Variants in GORASP2 observed in about 807,000 individuals in gnomAD.
GORASP2 encodes Golgi reassembly-stacking protein 2.
Under a neutral mutation model 45.7 loss-of-function variants are expected in GORASP2, and 22 were observed. The ratio of observed to expected loss-of-function variants is 0.48; its 90% CI spans 0.34 to 0.69. The LOEUF is 0.69. GORASP2 is among the 30% of genes least tolerant of loss of function. The pLI is 0.01. For synonymous variants in GORASP2, 221 were observed against 215.6 expected, an observed-to-expected ratio of 1.02 and a Z score of -0.22; for missense variants, 491 against 562.7, an observed-to-expected ratio of 0.87 and a Z score of 1.29.
intron 1 of GORASP2, among the ~76,000 whole-genome samples, chr2:170,934,815 G>A (rs1703908594): frequency 1.3e-5 from 2 of 151,940 alleles, no homozygotes; most frequent in South Asian, 4.1e-4. Flanking sequence ...TCAGCTCACT[G>A]CAACCTCCGC....
Position 170,961,731 on chromosome 2 carries a change from C to T in GORASP2, c.892C>T (p.Pro298Ser), listed in dbSNP as rs898668353. Reference sequence around the variant, plus strand: ...CCTCACTTCTGTGCCACCAATGAATCCAGCTACTACATTACCAGGTAACCA... The same window carrying T: ...CCTCACTTCTGTGCCACCAATGAATTCAGCTACTACATTACCAGGTAACCA... ...QSLTSVPPMN[P>S]ATTLPGLMPL... The change falls in exon 8 of 10, where the codon CCA (proline) becomes TCA (serine). Residue 298 changes from proline to serine, a missense_variant. Pro to Ser is a moderately conservative substitution (Grantham distance 74). Around this residue, in one of 2 missense-constraint regions of GORASP2, gnomAD observed 297 missense variants for 292.3 expected, o/e 1.02. Transcript: ENST00000234160. 1 of 1,575,286 alleles carries T rather than the reference C, an allele frequency of 6.3e-7. No homozygotes were observed. The highest frequency in any genetic ancestry group is 1.3e-5 in the African/African-American group (1 of 74,266).
At position 170,929,299 on chromosome 2, in the gene GORASP2, G is replaced by A. The variant is rs1262087870; in HGVS notation, c.-42G>A. 3.8e-6 allele frequency: 5 copies of A among 1,323,882 alleles called. No homozygotes were observed. The highest frequency in any genetic ancestry group is 3.9e-5 in the South Asian group (2 of 51,804). The allele number at this position is 1,323,882 out of a possible 1,614,324, so 82.0% of individuals were successfully genotyped here. ...AGCAGGCGGTGCGCTGGGGGCGGGAGCAGCGCGGAGCCCGGCTCGGCCACA... is the reference window on the plus strand; with the variant it reads ...AGCAGGCGGTGCGCTGGGGGCGGGAACAGCGCGGAGCCCGGCTCGGCCACA... On this transcript the variant is annotated 5_prime_UTR_variant, in exon 1 of 10. Coordinates refer to ENST00000234160, the MANE Select transcript of GORASP2 (RefSeq NM_015530.5).
intron 9 of GORASP2, among the ~76,000 whole-genome samples, 182 bp from the exon 10 acceptor site, chr2:170,965,608 C>A (rs549821325): frequency 6.6e-6 from 1 of 152,182 alleles, no homozygotes; most frequent in African/African-American, 2.4e-5. Context: ...CAGGCAGCTG[C>A]GATTGTAGGG....
chr2:170,930,695 G>A (rs1190173174), intron 1 of GORASP2, among the ~76,000 whole-genome samples: 3 of 151,802 alleles, frequency 2.0e-5, no homozygotes, highest in Non-Finnish European at 4.4e-5. Flanking sequence ...TAAATAAACC[G>A]TATTATCTTC....
At chr2:170,929,892 T>A (rs1703777786) in intron 1 of GORASP2, 1 of 407,324 alleles carries the variant, frequency 2.5e-6, no homozygotes, top group African/African-American at 2.2e-5. Flanking sequence ...GCCGGCCGAG[T>A]GGCCTGAAAG....
At chr2:170,929,834 G>A (rs1703775472) in intron 1 of GORASP2, 1 of 463,318 alleles carries the variant, frequency 2.2e-6, no homozygotes. Flanking sequence ...ATCCGGACCC[G>A]CAGTCCGGAG....
chr2:170,965,493 A>C (rs965974376), intron 9 of GORASP2, among the ~76,000 whole-genome samples: 2 of 152,210 alleles, frequency 1.3e-5, no homozygotes, highest in East Asian at 1.9e-4. Flanking sequence ...GTGGGCTGCT[A>C]TCTCTTCTGA....
chr2:170,949,496 A>C (rs748087398), intron 2 of GORASP2, 43 bp from the exon 3 acceptor site: 57 of 1,461,358 alleles, frequency 3.9e-5, no homozygotes, highest in Non-Finnish European at 4.9e-5. Flanking sequence ...AGCTAACATT[A>C]AATTTTTATT....
chr2:170,933,279 A>C (rs1346664667), intron 1 of GORASP2, among the ~76,000 whole-genome samples: 1 of 152,162 alleles, frequency 6.6e-6, no homozygotes, highest in African/African-American at 2.4e-5. Context: ...CTCCAATCCT[A>C]ATGTAAGGCA....
At chr2:170,951,187 T>C in intron 4 of GORASP2, 141 bp from the exon 5 acceptor site, 1 of 602,582 alleles carries the variant, frequency 1.7e-6, no homozygotes, top group East Asian at 2.9e-5. Flanking sequence ...TTAAACCTGC[T>C]TGTGATTTTT....
At chr2:170,963,782 A>G (rs1704625900) in intron 9 of GORASP2, among the ~76,000 whole-genome samples, 1 of 152,028 alleles carries the variant, frequency 6.6e-6, no homozygotes, top group Non-Finnish European at 1.5e-5. Flanking sequence ...AGCTGGGACT[A>G]CATGCACATA....
intron 9 of GORASP2, 93 bp from the exon 10 acceptor site, chr2:170,965,697 C>A: frequency 3.3e-6 from 3 of 902,360 alleles, no homozygotes; most frequent in Non-Finnish European, 5.4e-6. Context: ...CTTCAGTTTC[C>A]TTAATGAAAT....
intron 7 of GORASP2, among the ~76,000 whole-genome samples, chr2:170,958,501 T>C (rs998505259): frequency 3.3e-5 from 5 of 152,116 alleles, no homozygotes; most frequent in Non-Finnish European, 7.3e-5. Flanking sequence ...TTTTATGATA[T>C]TACGATTTTT....
chr2:170,945,337 G>GA (rs1262360302), intron 1 of GORASP2, among the ~76,000 whole-genome samples: 1 of 151,716 alleles, frequency 6.6e-6, no homozygotes, highest in African/African-American at 2.4e-5. Context: ...TGGTACACTA[G>GA]AAAAAATTTA....
intron 7 of GORASP2, among the ~76,000 whole-genome samples, chr2:170,961,020 G>A (rs1281371902): frequency 2.0e-5 from 3 of 152,218 alleles, no homozygotes; most frequent in Non-Finnish European, 4.4e-5. Flanking sequence ...AACGTGATTA[G>A]GTGGTATCCT....
intron 7 of GORASP2, among the ~76,000 whole-genome samples, chr2:170,957,298 C>T (rs1575478243): frequency 6.6e-6 from 1 of 150,914 alleles, no homozygotes; most frequent in Admixed American, 6.6e-5. Flanking sequence ...TTTTTTGAAA[C>T]AGAGTTTCAC....
intron 1 of GORASP2, chr2:170,929,633 T>C (rs1703766580): frequency 1.6e-6 from 1 of 612,314 alleles, no homozygotes; most frequent in Non-Finnish European, 3.0e-6. Flanking sequence ...GGGCTGGAGC[T>C]GGAGGCGGCT....
intron 5 of GORASP2, 76 bp from the exon 6 acceptor site, chr2:170,954,573 GC>G (rs369296788): frequency 8.2e-5 from 83 of 1,015,840 alleles, no homozygotes; most frequent in Non-Finnish European, 1.1e-4. Flanking sequence ...TGGGTTACCC[GC>G]CCCCCCCAAA....
At position 170,951,424 on chromosome 2, in the gene GORASP2, A is replaced by G; in HGVS notation, c.532A>G (p.Ile178Val). The stretch of plus-strand genomic sequence containing the variant: ...CACTGATAACTGTCGAGAAGTGATT[A>G]TTACACCAAATTCTGCATGGGGTGG... Reference protein sequence around the residue: ...TDTDNCREVIITPNSAWGGEG... With the variant: ...TDTDNCREVIVTPNSAWGGEG... Residue 178 changes from isoleucine to valine, a missense_variant, in exon 5 of 10, where the codon ATT (isoleucine) becomes GTT (valine). By Grantham distance (29) the Ile-to-Val change is conservative. Around this residue, in one of 2 missense-constraint regions of GORASP2, gnomAD observed 194 missense variants for 270.4 expected, o/e 0.72. Transcript: ENST00000234160. 1 of 1,611,822 alleles carries G rather than the reference A, an allele frequency of 6.2e-7. No individual in the cohort carries two copies. The highest frequency in any genetic ancestry group is 8.5e-7 in the Non-Finnish European group (1 of 1,179,230).
Sources: allele counts gnomAD v4.1 joint callset (sites outside exome capture counted in the v4.1 genomes callset), GRCh38; gene constraint gnomAD v4.1.1; regional missense constraint gnomAD v4.1.1; transcripts MANE v1.5; gene names NCBI Gene and HGNC (gene_info 2026-07-23, HGNC 2026-07-21).